DYM: variants seen among roughly 807,000 people sequenced by gnomAD.
The protein encoded by DYM is dymeclin.
DYM carries 78 observed loss-of-function variants against 93.1 expected under a neutral mutation model. That is an observed-to-expected ratio of 0.84 (90% CI 0.70 to 1.01). The LOEUF is 1.01. Ranked by LOEUF, DYM falls within the 50% of genes least tolerant of loss-of-function variation. The pLI is 0.00. For missense variants in DYM, 789 were observed against 845.0 expected (o/e 0.93, Z 0.82); for synonymous variants, 321 against 319.7 (o/e 1.00, Z -0.04).
intron 16 of DYM, among the ~76,000 whole-genome samples, chr18:49,101,910 G>A (rs370804074): frequency 2.0e-5 from 3 of 152,242 alleles, no homozygotes; most frequent in Non-Finnish European, 2.9e-5. Flanking sequence ...ATGGTAAAGT[G>A]GATAATGAAC....
intron 15 of DYM, among the ~76,000 whole-genome samples, chr18:49,130,578 T>C (rs1167493556): frequency 6.6e-6 from 1 of 152,262 alleles, no homozygotes; most frequent in Non-Finnish European, 1.5e-5. Context: ...AAACAATTTT[T>C]TTTTTATATG....
At chr18:49,164,183 G>T (rs918909052) in intron 14 of DYM, among the ~76,000 whole-genome samples, 1 of 152,112 alleles carries the variant, frequency 6.6e-6, no homozygotes, top group Admixed American at 6.5e-5. Flanking sequence ...TGTTGGACAA[G>T]ATTATTTCTC....
chr18:49,227,343 A>G (rs1427955300), intron 13 of DYM, among the ~76,000 whole-genome samples: 1 of 152,186 alleles, frequency 6.6e-6, no homozygotes, highest in African/African-American at 2.4e-5. Flanking sequence ...GCTGAGAGTG[A>G]TTAAATATTT....
intron 17 of DYM, among the ~76,000 whole-genome samples, chr18:49,066,145 C>A (rs1453711200): frequency 1.4e-5 from 2 of 144,692 alleles, no homozygotes; most frequent in Non-Finnish European, 3.0e-5. Context: ...ATAGCAAAAA[C>A]CACGATTACT....
At chr18:49,338,146 T>C (rs1006932628) in intron 6 of DYM, among the ~76,000 whole-genome samples, 2 of 152,130 alleles carry the variant, frequency 1.3e-5, no homozygotes, top group African/African-American at 4.8e-5. Flanking sequence ...GAAAGATAAA[T>C]AGCATTTCTC....
In DYM at chr18:49,441,311, A is replaced by AATTATAT. The variant is rs1568455312; in HGVS notation, c.-53-10865_-53-10864insATATAAT. Among the ~76,000 whole-genome samples, 86 of 34,388 alleles carry AATTATAT rather than the reference A, an allele frequency of 2.5e-3. 2 individuals are homozygous for AATTATAT. The highest frequency in any genetic ancestry group is 8.6e-3 in the African/African-American group (48 of 5,556). 22.6% of individuals were successfully genotyped at this position (34,388 alleles called of 152,430 possible). A position where few individuals can be genotyped will look rare whatever the true frequency, so the allele number is the denominator to read the frequency against. On this transcript the variant is annotated intron_variant, in intron 1 of 17. Coordinates refer to ENST00000675505, the MANE Select transcript of DYM (RefSeq NM_001353214.3). ...ATATATAATATAATTATATATAATT[A>AATTATAT]ATATATAATTATATATAATATAATT...
At chr18:49,164,995 A>T (rs1229125993) in intron 14 of DYM, among the ~76,000 whole-genome samples, 1 of 152,212 alleles carries the variant, frequency 6.6e-6, no homozygotes, top group Non-Finnish European at 1.5e-5. Flanking sequence ...GACTGGATAA[A>T]AAAGCGAGAC....
chr18:49,196,668 C>G (rs34215012), intron 14 of DYM, among the ~76,000 whole-genome samples: 1 of 151,956 alleles, frequency 6.6e-6, no homozygotes, highest in African/African-American at 2.4e-5. Flanking sequence ...GCAAAAAGTC[C>G]TGAGATAGAA....
intron 11 of DYM, among the ~76,000 whole-genome samples, chr18:49,262,738 G>A (rs2094509445): frequency 6.6e-6 from 1 of 152,128 alleles, no homozygotes; most frequent in African/African-American, 2.4e-5. Context: ...ACTGGCTGGT[G>A]TTGGTGCCAT....
At chr18:49,054,833 T>C (rs1276179943) in intron 17 of DYM, among the ~76,000 whole-genome samples, 1 of 152,012 alleles carries the variant, frequency 6.6e-6, no homozygotes, top group Non-Finnish European at 1.5e-5. Flanking sequence ...ACACTAACAG[T>C]TTTTGTAAGT....
chr18:49,185,397 T>C (rs1283021563), intron 14 of DYM, among the ~76,000 whole-genome samples: 1 of 152,216 alleles, frequency 6.6e-6, no homozygotes, highest in African/African-American at 2.4e-5. Flanking sequence ...AATTCTATTA[T>C]ATGACTGTGG....
At chr18:49,177,915 G>C (rs1449613413) in intron 14 of DYM, among the ~76,000 whole-genome samples, 2 of 152,020 alleles carry the variant, frequency 1.3e-5, no homozygotes, top group African/African-American at 4.8e-5. Flanking sequence ...TATTCTTTGA[G>C]TTAAAGTTCT....
intron 8 of DYM, among the ~76,000 whole-genome samples, chr18:49,312,080 A>G (rs899095173): frequency 6.6e-6 from 1 of 152,126 alleles, no homozygotes; most frequent in Admixed American, 6.5e-5. Flanking sequence ...TAGCTGATAA[A>G]CTTCACTATT....
intron 14 of DYM, among the ~76,000 whole-genome samples, chr18:49,202,316 G>A (rs927947604): frequency 1.3e-5 from 2 of 152,162 alleles, no homozygotes; most frequent in African/African-American, 2.4e-5. Context: ...CTCTAGGGGA[G>A]TGCAGTGGCG....
At chr18:49,045,746 C>G (rs561338139) in intron 17 of DYM, among the ~76,000 whole-genome samples, 1 of 152,104 alleles carries the variant, frequency 6.6e-6, no homozygotes, top group Non-Finnish European at 1.5e-5. Context: ...GAGGTGAGCT[C>G]CCCTGGAGGG....
At position 49,317,672 on chromosome 18, in the gene DYM, C is replaced by CCTTG. The variant is rs2062107618; in HGVS notation, c.763+14191_763+14192insCAAG. Among the ~76,000 whole-genome samples the CCTTG allele has an allele frequency of 2.4e-5, 3 of 124,594 alleles. 1 individual carries two copies. In the South Asian group the frequency reaches 9.2e-4, roughly 38 times the overall value. The allele number at this position is 124,594 out of a possible 152,430, so 81.7% of individuals were successfully genotyped here. On this transcript the variant is annotated intron_variant, in intron 8 of 17. Transcript: ENST00000675505. ...TCCTTCCTTCCTTCCTTCCTTCCTTCCTTCCTTCCTTCCTTCCTTTCTTTC... is the reference window on the plus strand; with the variant it reads ...TCCTTCCTTCCTTCCTTCCTTCCTTCCTTGCTTCCTTCCTTCCTTCCTTTCTTTC...
At chr18:49,236,486 A>AAAAAT (rs1555652858) in intron 13 of DYM, among the ~76,000 whole-genome samples, 9 of 148,180 alleles carry the variant, frequency 6.1e-5, no homozygotes, top group Non-Finnish European at 1.2e-4. Flanking sequence ...TCTCAAAAAA[A>AAAAAT]AAAATAAATA....
At chr18:49,247,000 G>A (rs1201777375) in intron 13 of DYM, among the ~76,000 whole-genome samples, 1 of 152,214 alleles carries the variant, frequency 6.6e-6, no homozygotes, top group Non-Finnish European at 1.5e-5. Flanking sequence ...GCAGCCTTGT[G>A]CTCCGGGCTA....
At chr18:49,211,107 A>T (rs1439968094) in intron 13 of DYM, among the ~76,000 whole-genome samples, 1 of 152,162 alleles carries the variant, frequency 6.6e-6, no homozygotes, top group Non-Finnish European at 1.5e-5. Flanking sequence ...CAAAAATAAA[A>T]TTTTTTAAAG....
Sources: allele counts gnomAD v4.1 joint callset (sites outside exome capture counted in the v4.1 genomes callset), GRCh38; gene constraint gnomAD v4.1.1; transcripts MANE v1.5; gene names NCBI Gene and HGNC (gene_info 2026-07-23, HGNC 2026-07-21).